Variants in MALRD1 observed in about 807,000 individuals in gnomAD.
MALRD1 encodes MAM and LDL-receptor class A domain-containing protein 1.
MALRD1 carries 247 observed loss-of-function variants against 242.1 expected under a neutral mutation model. That is an observed-to-expected ratio of 1.02 (90% confidence interval 0.92 to 1.13). The LOEUF (loss-of-function observed/expected upper bound fraction) is 1.13. MALRD1 is among the 50% of genes most tolerant of loss of function. The probability of loss-of-function intolerance (pLI) is 0.00; values close to 1 mark genes in which losing one functional copy is unlikely to be tolerated. For missense variants in MALRD1, 2,989 were observed against 2,533.1 expected (o/e 1.18, Z -3.86); for synonymous variants, 995 against 866.6 (o/e 1.15, Z -2.60).
At chr10:19,527,523 C>A (rs143888203) in intron 31 of MALRD1, among the ~76,000 whole-genome samples, 1 of 152,226 alleles carries the variant, frequency 6.6e-6, no homozygotes, top group African/African-American at 2.4e-5. Flanking sequence ...CTTTCAACAT[C>A]AGGTTGACAC....
chr10:19,442,170 T>C lies in MALRD1; in HGVS notation c.4846-8137T>C, dbSNP rs552149548. Among the ~76,000 whole-genome samples, 11 of 152,332 alleles carry C rather than the reference T, an allele frequency of 7.2e-5. No individual in the cohort carries two copies. The South Asian group carries it at 2.3e-3, about 32-fold the overall frequency. Reference sequence around the variant, plus strand: ...GGTGTATAGGAATGGTTGTGATTTTTGCACATTGATTTTGTACCCTGAGAT... The same window carrying C: ...GGTGTATAGGAATGGTTGTGATTTTCGCACATTGATTTTGTACCCTGAGAT... On this transcript the variant is annotated intron_variant, in intron 28 of 39. Transcript: ENST00000454679.
At chr10:19,564,467 T>G (rs1439429232) in intron 32 of MALRD1, among the ~76,000 whole-genome samples, 1 of 152,064 alleles carries the variant, frequency 6.6e-6, no homozygotes, top group African/African-American at 2.4e-5. Flanking sequence ...CTACTATAAT[T>G]TAATATTTTT....
chr10:19,349,377 C>G (rs1339488084), intron 25 of MALRD1, among the ~76,000 whole-genome samples: 1 of 152,196 alleles, frequency 6.6e-6, no homozygotes, highest in East Asian at 1.9e-4. Flanking sequence ...ACATGTTAAA[C>G]TTTTACTTTG....
chr10:19,440,469 T>A (rs570372829), intron 28 of MALRD1, among the ~76,000 whole-genome samples: 1 of 152,240 alleles, frequency 6.6e-6, no homozygotes, highest in South Asian at 2.1e-4. Flanking sequence ...ACATTAGGTA[T>A]TTCTCCTAAT....
intron 21 of MALRD1, chr10:19,290,238 A>C (rs1841343125): frequency 1.3e-5 from 2 of 152,198 alleles, no homozygotes; most frequent in Non-Finnish European, 2.9e-5. Flanking sequence ...TTAAGATTGC[A>C]TCTTTATTTT....
intron 28 of MALRD1, among the ~76,000 whole-genome samples, chr10:19,435,359 G>A (rs181426430): frequency 1.8e-4 from 28 of 152,006 alleles, no homozygotes; most frequent in Non-Finnish European, 3.2e-4. Flanking sequence ...AATATTGTCC[G>A]CTGTTAGTAA....
chr10:19,672,916 A>G (rs1388569778), intron 36 of MALRD1, among the ~76,000 whole-genome samples: 1 of 152,186 alleles, frequency 6.6e-6, no homozygotes, highest in African/African-American at 2.4e-5. Flanking sequence ...TATGTTTAGA[A>G]GAGCTTATAT....
chr10:19,616,711 A>G (rs561863586), intron 36 of MALRD1, among the ~76,000 whole-genome samples: 1 of 152,152 alleles, frequency 6.6e-6, no homozygotes, highest in South Asian at 2.1e-4. Flanking sequence ...TTGAGTCGTT[A>G]TTCCTGTCTT....
chr10:19,694,140 C>G (rs1159094962), intron 38 of MALRD1, among the ~76,000 whole-genome samples: 6 of 152,200 alleles, frequency 3.9e-5, no homozygotes, highest in Non-Finnish European at 8.8e-5. Flanking sequence ...AAAACCTAGG[C>G]AATACCATTC....
At chr10:19,412,259 C>G (rs1833305082) in intron 28 of MALRD1, among the ~76,000 whole-genome samples, 1 of 152,154 alleles carries the variant, frequency 6.6e-6, no homozygotes, top group African/African-American at 2.4e-5. Flanking sequence ...CCATTGCACT[C>G]CAGTCTGGGT....
chr10:19,211,477 G>A (rs978271467), intron 18 of MALRD1, among the ~76,000 whole-genome samples: 1 of 151,842 alleles, frequency 6.6e-6, no homozygotes, highest in Non-Finnish European at 1.5e-5. Context: ...AGGATTACTT[G>A]AGGTCAGGAG....
chr10:19,114,344 T>A (rs2131361045), intron 5 of MALRD1, among the ~76,000 whole-genome samples: 1 of 152,318 alleles, frequency 6.6e-6, no homozygotes, highest in African/African-American at 2.4e-5. Context: ...ACTTAAGTTC[T>A]AACATAGCCG....
chr10:19,327,841 T>C (rs761091340), intron 23 of MALRD1, among the ~76,000 whole-genome samples, 168 bp downstream of exon 23: 1 of 152,256 alleles, frequency 6.6e-6, no homozygotes, highest in East Asian at 1.9e-4. Flanking sequence ...ACATAAGGGA[T>C]TGACAACTTC....
intron 13 of MALRD1, among the ~76,000 whole-genome samples, chr10:19,169,903 C>A (rs1390255153): frequency 6.6e-6 from 1 of 152,130 alleles, no homozygotes; most frequent in Non-Finnish European, 1.5e-5. Flanking sequence ...TTATACAGTA[C>A]AGTGTAATCC....
intron 38 of MALRD1, among the ~76,000 whole-genome samples, chr10:19,704,545 T>C (rs989436746): frequency 1.6e-4 from 25 of 152,212 alleles, no homozygotes; most frequent in African/African-American, 5.1e-4. Context: ...AGATATACAT[T>C]TGGGGGGACA....
At position 19,069,246 on chromosome 10, in the gene MALRD1, T is replaced by C. The variant is rs1457164912; in HGVS notation, c.340+2387T>C. 1.3e-5 allele frequency among the ~76,000 whole-genome samples: 2 copies of C among 152,034 alleles called. 1 individual carries two copies. Among genetic ancestry groups the C allele is most frequent in the Non-Finnish European group, 2.9e-5 (2 of 67,934 alleles). On this transcript the variant is annotated intron_variant, in intron 2 of 39. Transcript: ENST00000454679. ...ATTTAAAATCAGTTTTAAATGAGGA[T>C]ATTAGAGCTTTTGTTATTCTGATCA...
intron 38 of MALRD1, among the ~76,000 whole-genome samples, chr10:19,698,505 G>A (rs1833474988): frequency 6.6e-6 from 1 of 152,168 alleles, no homozygotes; most frequent in African/African-American, 2.4e-5. Context: ...GGAAAGAAAG[G>A]AGGATGAGAG....
chr10:19,180,552 C>T (rs1044492659), intron 14 of MALRD1, among the ~76,000 whole-genome samples: 2 of 152,098 alleles, frequency 1.3e-5, no homozygotes, highest in African/African-American at 2.4e-5. Flanking sequence ...TGTCTTACAC[C>T]GTACACTTAA....
At chr10:19,462,443 C>T (rs1041880945) in intron 29 of MALRD1, among the ~76,000 whole-genome samples, 2 of 152,342 alleles carry the variant, frequency 1.3e-5, no homozygotes, top group East Asian at 1.9e-4. Context: ...CTTCTGCCTC[C>T]GGATCAATCC....
Sources: gnomAD v4.1 joint callset for allele counts (sites outside exome capture counted in the v4.1 genomes callset) on GRCh38, gnomAD v4.1.1 for gene constraint, MANE v1.5 for transcripts, NCBI Gene and HGNC (gene_info 2026-07-23, HGNC 2026-07-21) for gene names.